Variants in C12orf42 observed in about 807,000 individuals in gnomAD.
C12orf42 encodes chromosome 12 open reading frame 42.
Under a neutral mutation model 21.6 loss-of-function variants are expected in C12orf42, and 25 were observed. That is an observed-to-expected ratio of 1.16 (90% CI 0.84 to 1.62). C12orf42 has a LOEUF of 1.62. Ranked by LOEUF, C12orf42 falls within the 40% of genes most tolerant of loss-of-function variation. The pLI, the probability that C12orf42 is intolerant of heterozygous loss-of-function variation, is 0.00. For synonymous variants in C12orf42, 174 were observed against 175.0 expected, an observed-to-expected ratio of 0.99 and a Z score of 0.05; for missense variants, 483 against 459.3, an observed-to-expected ratio of 1.05 and a Z score of -0.47.
chr12:103,349,969 T>G (rs1287730577), intron 4 of C12orf42, among the ~76,000 whole-genome samples: 1 of 152,168 alleles, frequency 6.6e-6, no homozygotes, highest in East Asian at 1.9e-4. Flanking sequence ...CATGAATTTT[T>G]CAATTATAAA....
the C12orf42 span, among the ~76,000 whole-genome samples, chr12:103,214,278 A>G: frequency 1.3e-5 from 2 of 152,186 alleles, no homozygotes; most frequent in East Asian, 3.8e-4. Context: ...GTCCATTAGT[A>G]CAAGTCTGTA....
the C12orf42 span, among the ~76,000 whole-genome samples, chr12:103,195,626 T>G: frequency 6.6e-6 from 1 of 151,840 alleles, no homozygotes; most frequent in Non-Finnish European, 1.5e-5. Flanking sequence ...CATTTGCCCA[T>G]TTTTTAATGG....
chr12:103,047,851 A>G, the C12orf42 span, among the ~76,000 whole-genome samples: 1 of 152,178 alleles, frequency 6.6e-6, no homozygotes, highest in African/African-American at 2.4e-5. Flanking sequence ...TTCACATGGC[A>G]GCAGGGCAGG....
intron 2 of C12orf42, among the ~76,000 whole-genome samples, chr12:103,407,714 A>G (rs577973425): frequency 6.6e-6 from 1 of 152,288 alleles, no homozygotes; most frequent in South Asian, 2.1e-4. Flanking sequence ...TGCACAGGGC[A>G]ACCGCACCCC....
At chr12:103,067,471 C>A in the C12orf42 span, among the ~76,000 whole-genome samples, 1 of 152,146 alleles carries the variant, frequency 6.6e-6, no homozygotes, top group Non-Finnish European at 1.5e-5. Flanking sequence ...CAATACTTTG[C>A]AGAGCTGGGA....
At chr12:103,299,853 C>T (rs917538799), downstream of C12orf42, among the ~76,000 whole-genome samples, 4 of 152,148 alleles carry the variant, frequency 2.6e-5, no homozygotes, top group Admixed American at 2.0e-4. Flanking sequence ...CAGCCCATGA[C>T]GATGACAGAG....
At chr12:103,560,105 A>G in the C12orf42 span, among the ~76,000 whole-genome samples, 1 of 152,256 alleles carries the variant, frequency 6.6e-6, no homozygotes, top group East Asian at 1.9e-4. Flanking sequence ...TAAATAATAA[A>G]AGCCCTTTAT....
intron 4 of C12orf42, among the ~76,000 whole-genome samples, chr12:103,364,915 G>T (rs1275966559): frequency 2.0e-5 from 3 of 151,920 alleles, no homozygotes; most frequent in Admixed American, 2.0e-4. Flanking sequence ...CAAAGAATTG[G>T]TACCAATCCT....
chr12:103,143,460 G>A, the C12orf42 span, among the ~76,000 whole-genome samples: 3 of 152,188 alleles, frequency 2.0e-5, no homozygotes, highest in Non-Finnish European at 4.4e-5. Flanking sequence ...CAGTTCTGAG[G>A]AGTCAGGGGG....
chr12:103,222,012 G>A, the C12orf42 span, among the ~76,000 whole-genome samples: 1 of 152,170 alleles, frequency 6.6e-6, no homozygotes, highest in Admixed American at 6.6e-5. Flanking sequence ...AATTTGGTAG[G>A]CATCAACATG....
chr12:103,317,239 C>A (rs528363217), intron 4 of C12orf42, among the ~76,000 whole-genome samples: 9 of 152,170 alleles, frequency 5.9e-5, no homozygotes, highest in Non-Finnish European at 1.2e-4. Context: ...ATAAATGTGC[C>A]TTTTCCTTCT....
intron 2 of C12orf42, among the ~76,000 whole-genome samples, chr12:103,440,522 C>T (rs530129068): frequency 7.1e-6 from 1 of 141,102 alleles, no homozygotes; most frequent in Admixed American, 7.2e-5. Context: ...ACCATAGACC[C>T]CTAACTTCAA....
intron 2 of C12orf42, among the ~76,000 whole-genome samples, chr12:103,413,135 CA>C (rs1436196289): frequency 6.6e-6 from 1 of 152,154 alleles, no homozygotes; most frequent in Non-Finnish European, 1.5e-5. Flanking sequence ...AATTTTTGTA[CA>C]TGGGTGAAAG....
At chr12:103,145,233 C>G in the C12orf42 span, among the ~76,000 whole-genome samples, 1 of 152,132 alleles carries the variant, frequency 6.6e-6, no homozygotes, top group Non-Finnish European at 1.5e-5. Context: ...TACTATCTTT[C>G]CCACATTTAA....
chr12:103,330,197 T>A lies in C12orf42; in HGVS notation c.260-23852A>T, dbSNP rs1049305726. On this transcript the variant is annotated intron_variant, in intron 4 of 5. Coordinates refer to ENST00000548883, the MANE Select transcript of C12orf42 (RefSeq NM_198521.5). ...TTTTTATAGTGTTTAATTGGGATTA[T>A]ATCAGTTACTTTTAATAATCTATTT... Among the ~76,000 whole-genome samples the A allele has an allele frequency of 4.6e-5, 7 of 152,266 alleles. No homozygotes were observed. In the East Asian group the frequency reaches 1.3e-3, roughly 29 times the overall value.
the C12orf42 span, among the ~76,000 whole-genome samples, chr12:103,507,700 C>T: frequency 1.7e-5 from 2 of 120,090 alleles, no homozygotes; most frequent in Admixed American, 9.2e-5. Flanking sequence ...GGGGTGGGGG[C>T]GGGTAATAAA....
chr12:103,254,814 G>T (rs1037715893), intron 10 of C12orf42, among the ~76,000 whole-genome samples: 16 of 152,066 alleles, frequency 1.1e-4, no homozygotes, highest in Admixed American at 7.2e-4. Context: ...CGCATTCTGG[G>T]CTGAATACCT....
chr12:103,514,296 G>T, the C12orf42 span, among the ~76,000 whole-genome samples: 1 of 152,290 alleles, frequency 6.6e-6, no homozygotes, highest in South Asian at 2.1e-4. Context: ...ATGAGATTTG[G>T]ATGGGACACA....
chr12:103,068,548 T>C, the C12orf42 span, among the ~76,000 whole-genome samples: 1 of 152,024 alleles, frequency 6.6e-6, no homozygotes, highest in Non-Finnish European at 1.5e-5. Context: ...CCTGGGTGTG[T>C]CTGTGAGGGT....
Sources: allele counts gnomAD v4.1 joint callset (sites outside exome capture counted in the v4.1 genomes callset), GRCh38; gene constraint gnomAD v4.1.1; transcripts MANE v1.5; gene names NCBI Gene and HGNC (gene_info 2026-07-23, HGNC 2026-07-21).